PRKN: variants seen among roughly 807,000 people sequenced by gnomAD.
PRKN encodes the protein parkin RBR E3 ubiquitin protein ligase, also known as E3 ubiquitin-protein ligase parkin.
Under a neutral mutation model 59.5 loss-of-function variants are expected in PRKN, and 56 were observed. The ratio of observed to expected loss-of-function variants is 0.94; its 90% CI spans 0.76 to 1.18. PRKN has a LOEUF of 1.18. PRKN is among the 50% of genes most tolerant of loss of function. PRKN has a pLI of 0.00. For synonymous variants in PRKN, 250 were observed against 222.1 expected (o/e 1.13, Z -1.12); for missense variants, 657 against 596.4 (o/e 1.10, Z -1.06).
At chr6:161,789,846 G>A (rs1790568951) in intron 6 of PRKN, among the ~76,000 whole-genome samples, 1 of 152,148 alleles carries the variant, frequency 6.6e-6, no homozygotes, top group Non-Finnish European at 1.5e-5. Flanking sequence ...GTGGATAAAT[G>A]AATGGGTCAC....
At chr6:162,360,002 T>C (rs981743562) in intron 2 of PRKN, among the ~76,000 whole-genome samples, 2 of 152,186 alleles carry the variant, frequency 1.3e-5, no homozygotes, top group Non-Finnish European at 2.9e-5. Flanking sequence ...TGTCATACAA[T>C]ATTTTATAAT....
At chr6:162,569,778 G>A in intron 1 of PRKN, 1 of 491,152 alleles carries the variant, frequency 2.0e-6, no homozygotes, top group Admixed American at 3.1e-5. Flanking sequence ...CTGCCCCAGA[G>A]CCTGGGAGGG....
intron 4 of PRKN, among the ~76,000 whole-genome samples, chr6:162,107,618 T>TA (rs1780246382): frequency 6.6e-6 from 1 of 152,152 alleles, no homozygotes; most frequent in African/African-American, 2.4e-5. Context: ...CCAGGAGAGG[T>TA]ACATGCCTTT....
chr6:162,119,526 C>A (rs182008768), intron 4 of PRKN, among the ~76,000 whole-genome samples: 9 of 152,164 alleles, frequency 5.9e-5, no homozygotes, highest in Non-Finnish European at 1.3e-4. Context: ...GGAGAAGAGG[C>A]AAGGGAACTT....
chr6:161,879,142 C>CACT (rs1794838005), intron 6 of PRKN, among the ~76,000 whole-genome samples: 1 of 152,100 alleles, frequency 6.6e-6, no homozygotes, highest in Non-Finnish European at 1.5e-5. Context: ...AGTTAGGAAG[C>CACT]ACTGCTAATT....
At chr6:161,793,373 C>G (rs1252627550) in intron 6 of PRKN, among the ~76,000 whole-genome samples, 1 of 152,140 alleles carries the variant, frequency 6.6e-6, no homozygotes, top group Non-Finnish European at 1.5e-5. Context: ...CCAGTCCACT[C>G]TGCTGCATGG....
rs1190650745 is a variant in PRKN at position 161,459,942 on chromosome 6, T to G, written c.1084-73065A>C. On this transcript the variant is annotated intron_variant, in intron 9 of 11. Coordinates refer to ENST00000366898, the MANE Select transcript of PRKN (RefSeq NM_004562.3). The surrounding 1 kb of genome is among the most constrained non-coding windows in gnomAD (Gnocchi z 4.8). Reference sequence around the variant, plus strand: ...AGATAAGAAAATGGCTGTTGATATTTTGTAAAAAAAAAAATCTATTTATCC... The same window carrying G: ...AGATAAGAAAATGGCTGTTGATATTGTGTAAAAAAAAAAATCTATTTATCC... 6.6e-6 allele frequency among the ~76,000 whole-genome samples: 1 copy of G among 151,658 alleles called. No homozygotes were observed. The highest frequency in any genetic ancestry group is 1.5e-5 in the Non-Finnish European group (1 of 68,026).
intron 7 of PRKN, among the ~76,000 whole-genome samples, chr6:161,601,829 A>G (rs887406770): frequency 7.2e-5 from 11 of 151,948 alleles, no homozygotes; most frequent in East Asian, 1.9e-4. Flanking sequence ...TGATCCGCCC[A>G]CCTCGGCCTC....
chr6:161,424,457 T>A (rs1788245954), intron 9 of PRKN, among the ~76,000 whole-genome samples: 1 of 152,132 alleles, frequency 6.6e-6, no homozygotes, highest in African/African-American at 2.4e-5. Flanking sequence ...AAGGCTTTTA[T>A]GGAGTGAACT....
intron 5 of PRKN, among the ~76,000 whole-genome samples, chr6:162,039,499 G>A (rs999887656): frequency 6.6e-6 from 1 of 152,070 alleles, no homozygotes; most frequent in African/African-American, 2.4e-5. Context: ...AAGGAGCCTG[G>A]CACCTCCTTC....
chr6:162,493,188 A>C (rs1278012457), intron 1 of PRKN, among the ~76,000 whole-genome samples: 1 of 152,152 alleles, frequency 6.6e-6, no homozygotes, highest in Admixed American at 6.5e-5. Context: ...GCTTCTCAGA[A>C]CCACCATCCC....
chr6:161,765,467 A>T (rs1312980050), intron 7 of PRKN, among the ~76,000 whole-genome samples: 2 of 152,176 alleles, frequency 1.3e-5, no homozygotes, highest in African/African-American at 4.8e-5. Context: ...GCTTTGGAAA[A>T]TAAAGTTTGA....
intron 9 of PRKN, among the ~76,000 whole-genome samples, chr6:161,420,148 G>C (rs541851044): frequency 6.6e-6 from 1 of 150,660 alleles, no homozygotes; most frequent in Non-Finnish European, 1.5e-5. Flanking sequence ...TGAGACAGGA[G>C]AATTGCTTGA....
chr6:161,741,909 T>A (rs1416497955), intron 7 of PRKN, among the ~76,000 whole-genome samples: 1 of 152,050 alleles, frequency 6.6e-6, no homozygotes, highest in Admixed American at 6.5e-5. Flanking sequence ...ACTGTTCTCA[T>A]GGTAGTGAAT....
At chr6:162,101,150 G>C in intron 4 of PRKN, among the ~76,000 whole-genome samples, 1 of 151,888 alleles carries the variant, frequency 6.6e-6, no homozygotes, top group Non-Finnish European at 1.5e-5. Context: ...AAAATAACTG[G>C]CCATATCAAT....
chr6:161,825,719 T>TC (rs1562319792), intron 6 of PRKN, among the ~76,000 whole-genome samples: 1 of 151,628 alleles, frequency 6.6e-6, no homozygotes, highest in African/African-American at 2.4e-5. Flanking sequence ...GGGTGTCTGC[T>TC]CCCCCCGGGA....
chr6:162,618,862 G>A (rs1782539173), intron 1 of PRKN, among the ~76,000 whole-genome samples: 1 of 152,176 alleles, frequency 6.6e-6, no homozygotes, highest in South Asian at 2.1e-4. Flanking sequence ...CATTGTGTCC[G>A]AAATGCATTC....
rs989388245 is a variant in PRKN, at chr6:161,373,986, C to T, written c.1167+12808G>A. Among the ~76,000 whole-genome samples, 7 of 152,154 alleles carry T rather than the reference C, an allele frequency of 4.6e-5. No homozygotes were observed. The highest frequency in any genetic ancestry group is 1.0e-4 in the Non-Finnish European group (7 of 68,026). ...TTCAAAGTGGCGTTCACTCCCTTTT[C>T]CCCCAGGTCATTTTATTTTTGTTTC... On this transcript the variant is annotated intron_variant, in intron 10 of 11. Coordinates refer to ENST00000366898, the MANE Select transcript of PRKN (RefSeq NM_004562.3). This position sits in a 1 kb window ranked among gnomAD's most constrained non-coding sequence, Gnocchi z 4.8.
chr6:161,900,714 TATATA>T (rs1374184850), intron 6 of PRKN, among the ~76,000 whole-genome samples: 7 of 129,632 alleles, frequency 5.4e-5, no homozygotes, highest in African/African-American at 1.5e-4. Flanking sequence ...TATCATATAA[TATATA>T]ATACATTATG....
Sources: gnomAD v4.1 joint callset for allele counts (sites outside exome capture counted in the v4.1 genomes callset) on GRCh38, gnomAD v4.1.1 for gene constraint, Gnocchi (gnomAD v3.1) non-coding constraint, MANE v1.5 for transcripts, NCBI Gene and HGNC (gene_info 2026-07-23, HGNC 2026-07-21) for gene names.